The following PIWIL3 variants were observed in gnomAD, a reference collection of about 807,000 sequenced individuals.
PIWIL3 encodes the protein piwi like RNA-mediated gene silencing 3, also known as piwi-like protein 3.
Under a neutral mutation model 109.7 loss-of-function variants are expected in PIWIL3, and 101 were observed. That is an observed-to-expected ratio of 0.92 (90% confidence interval 0.78 to 1.09). The LOEUF is 1.09. PIWIL3 is among the 50% of genes least tolerant of loss of function. The probability of loss-of-function intolerance (pLI) is 0.00; values close to 1 mark genes in which losing one functional copy is unlikely to be tolerated. For synonymous variants in PIWIL3, 373 were observed against 376.4 expected (o/e 0.99, Z 0.10); for missense variants, 1,031 against 1,072.6 (o/e 0.96, Z 0.54).
chr22:24,734,155 T>A lies in PIWIL3; in HGVS notation c.1636A>T (p.Ile546Phe), dbSNP rs1438009885. The A allele has an allele frequency of 4.3e-6, 7 of 1,610,516 alleles. No homozygotes were observed. Among genetic ancestry groups the A allele is most frequent in the Admixed American group, 3.4e-5 (2 of 59,342 alleles). ...GAGTTAGCATCACCATCTACTTCAATCCTAAAAAATAAATATAGCATCCAC... is the reference window on the plus strand; with the variant it reads ...GAGTTAGCATCACCATCTACTTCAAACCTAAAAAATAAATATAGCATCCAC... ...MGITMKPAEM[I>F]EVDGDANSYI... Residue 546 changes from isoleucine (I) to phenylalanine (F), a missense_variant and splice_region_variant, in exon 14 of 21, where the codon ATT becomes TTT. Transcript: ENST00000616349.
At chr22:24,728,480 G>A in intron 14 of PIWIL3, 106 bp from the exon 15 acceptor site, 1 of 1,327,072 alleles carries the variant, frequency 7.5e-7, no homozygotes, top group South Asian at 1.3e-5. Flanking sequence ...ACAAGCTAGA[G>A]TCAATTTATT....
In PIWIL3 at chr22:24,757,902, A is replaced by G. The variant is rs759843398; in HGVS notation, c.355+6T>C. 41 of 1,598,322 alleles carry G rather than the reference A, an allele frequency of 2.6e-5. 4 individuals are homozygous for G. The South Asian group carries it at 4.7e-4, about 18-fold the overall frequency. ...TCCATAAACATTGAGTTCTAGACCAACATACCTGTTTTTGAGTCTTTAACA... is the reference window on the plus strand; with the variant it reads ...TCCATAAACATTGAGTTCTAGACCAGCATACCTGTTTTTGAGTCTTTAACA... On this transcript the variant is annotated splice_donor_region_variant and intron_variant, in intron 4 of 20. Coordinates refer to ENST00000616349, the MANE Select transcript of PIWIL3 (RefSeq NM_001255975.1).
intron 1 of PIWIL3, among the ~76,000 whole-genome samples, chr22:24,774,022 T>C (rs1926285203): frequency 6.6e-6 from 1 of 152,178 alleles, no homozygotes; most frequent in African/African-American, 2.4e-5. Flanking sequence ...CAAGATGCTC[T>C]AGATTTTTAA....
intron 19 of PIWIL3, among the ~76,000 whole-genome samples, chr22:24,721,078 C>G (rs889749051): frequency 6.6e-6 from 1 of 152,090 alleles, no homozygotes; most frequent in Non-Finnish European, 1.5e-5. Flanking sequence ...TCCTGAAATA[C>G]AGTCTTTTTG....
At chr22:24,730,799 GC>G (rs1269971393) in intron 14 of PIWIL3, among the ~76,000 whole-genome samples, 3 of 151,988 alleles carry the variant, frequency 2.0e-5, no homozygotes, top group Non-Finnish European at 4.4e-5. Flanking sequence ...TTCCCTACTG[GC>G]ATTTTTACTA....
intron 2 of PIWIL3, among the ~76,000 whole-genome samples, chr22:24,761,085 C>T (rs1261234209): frequency 1.3e-5 from 2 of 152,012 alleles, no homozygotes; most frequent in African/African-American, 4.8e-5. Flanking sequence ...GTGGGTATGG[C>T]ATGCTGGGGA....
chr22:24,751,285 T>A, intron 9 of PIWIL3, 102 bp downstream of exon 9: 2 of 1,213,806 alleles, frequency 1.6e-6, no homozygotes, highest in South Asian at 1.5e-5. Context: ...AAGGAAAATA[T>A]GTATGTTTAT....
intron 16 of PIWIL3, among the ~76,000 whole-genome samples, chr22:24,726,419 A>G (rs1213461089): frequency 6.6e-6 from 1 of 151,786 alleles, no homozygotes; most frequent in Non-Finnish European, 1.5e-5. Context: ...AGTAGCTGGG[A>G]CTACAGGCGC....
chr22:24,750,002 C>T (rs969635068), intron 9 of PIWIL3, among the ~76,000 whole-genome samples, 183 bp from the exon 10 acceptor site: 4 of 152,144 alleles, frequency 2.6e-5, no homozygotes, highest in African/African-American at 9.7e-5. Flanking sequence ...TTTGATATGC[C>T]ACGGATCTTT....
chr22:24,763,895 T>C (rs9306397), intron 1 of PIWIL3, among the ~76,000 whole-genome samples: 51,612 of 152,074 alleles, frequency 0.34, 9,014 homozygotes, highest in East Asian at 0.55. Context: ...TAGGCTGATC[T>C]GTGCGCTATG....
At chr22:24,749,272 C>T in intron 11 of PIWIL3, 132 bp downstream of exon 11, 1 of 1,388,304 alleles carries the variant, frequency 7.2e-7, no homozygotes, top group Non-Finnish European at 9.7e-7. Context: ...CTAGAGTTGT[C>T]CCCCAACATC....
chr22:24,766,102 C>T (rs566244407), intron 1 of PIWIL3, among the ~76,000 whole-genome samples: 21 of 151,190 alleles, frequency 1.4e-4, no homozygotes, highest in Non-Finnish European at 2.4e-4. Context: ...CCTCCCACTT[C>T]GGCCTCCAGA....
intron 1 of PIWIL3, among the ~76,000 whole-genome samples, chr22:24,765,651 C>A (rs1925742495): frequency 1.3e-5 from 2 of 151,900 alleles, no homozygotes; most frequent in Admixed American, 1.3e-4. Flanking sequence ...TCCCATCATC[C>A]TTTGTTCTGA....
In PIWIL3 at chr22:24,757,950, T is replaced by C; in HGVS notation, c.313A>G (p.Asn105Asp). The C allele has an allele frequency of 6.2e-7, 1 of 1,613,840 alleles. No homozygotes were observed. Among genetic ancestry groups the C allele is most frequent in the Non-Finnish European group, 8.5e-7 (1 of 1,179,908 alleles). The change falls in exon 4 of 21, where the codon AAC becomes GAC. Residue 105 changes from asparagine to aspartate, a missense_variant. Physicochemically the swap from Asn to Asp is conservative, Grantham distance 23 (BLOSUM62 1). Transcript: ENST00000616349. ...IGGVFQDLVVNTRQDMKHVKD... is the reference protein window; with the variant it reads ...IGGVFQDLVVDTRQDMKHVKD... ...ACATGCTTCATATCTTGCCTGGTGT[T>C]CACCACCAGGTCTTGAAAAACTCCA...
Position 24,769,038 on chromosome 22 carries a change from A to C in PIWIL3, c.-23+5284T>G, listed in dbSNP as rs191115244. Among the ~76,000 whole-genome samples, 496 of 152,220 alleles carry C rather than the reference A, an allele frequency of 3.3e-3. 5 individuals carry two copies. Among genetic ancestry groups the C allele is most frequent in the African/African-American group, 0.011 (477 of 41,528 alleles). On this transcript the variant is annotated intron_variant, in intron 1 of 20. Transcript: ENST00000616349. Reference sequence around the variant, plus strand: ...GGTTAATAAAAACGAGGCCAACTATACAGTCCTCCTTGGGTATCCACAGGG... The same window carrying C: ...GGTTAATAAAAACGAGGCCAACTATCCAGTCCTCCTTGGGTATCCACAGGG...
chr22:24,723,370 C>A, intron 18 of PIWIL3, 115 bp from the exon 19 acceptor site: 1 of 1,061,954 alleles, frequency 9.4e-7, no homozygotes, highest in Non-Finnish European at 1.4e-6. Context: ...CAGACAGCAG[C>A]CCTCCTTACA....
chr22:24,731,917 C>T (rs1018032087), intron 14 of PIWIL3, among the ~76,000 whole-genome samples: 1 of 152,158 alleles, frequency 6.6e-6, no homozygotes, highest in African/African-American at 2.4e-5. Context: ...TCTATTTCTG[C>T]CTTATGTATC....
At chr22:24,767,849 C>T (rs1925886314) in intron 1 of PIWIL3, among the ~76,000 whole-genome samples, 1 of 152,204 alleles carries the variant, frequency 6.6e-6, no homozygotes, top group African/African-American at 2.4e-5. Context: ...CAAGGTCACA[C>T]AGTCAGCAAG....
intron 12 of PIWIL3, among the ~76,000 whole-genome samples, chr22:24,739,820 G>T (rs1457460898): frequency 6.6e-6 from 1 of 152,098 alleles, no homozygotes. Context: ...AGAGGCCGAG[G>T]CGGGAGGATC....
Sources: allele counts gnomAD v4.1 joint callset (sites outside exome capture counted in the v4.1 genomes callset), GRCh38; gene constraint gnomAD v4.1.1; transcripts MANE v1.5; gene names NCBI Gene and HGNC (gene_info 2026-07-23, HGNC 2026-07-21).